The following ST6GAL1 variants were observed in gnomAD, a reference collection of about 807,000 sequenced individuals.
The protein encoded by ST6GAL1 is beta-galactoside alpha-2,6-sialyltransferase 1.
ST6GAL1 carries 20 observed loss-of-function variants against 38.0 expected under a neutral mutation model. The observed-to-expected ratio is 0.53, with a 90% CI of 0.37 to 0.77. ST6GAL1 has a LOEUF of 0.77. Among genes scored for constraint, ST6GAL1 ranks in the 30% least tolerant of loss-of-function variants. The pLI, the probability that ST6GAL1 is intolerant of heterozygous loss-of-function variation, is 0.00. For missense variants in ST6GAL1, 432 were observed against 496.4 expected (o/e 0.87, Z 1.23); for synonymous variants, 196 against 188.2 (o/e 1.04, Z -0.34).
intron 2 of ST6GAL1, among the ~76,000 whole-genome samples, chr3:187,013,739 C>A (rs1425444886): frequency 1.3e-5 from 2 of 152,132 alleles, no homozygotes; most frequent in Admixed American, 6.5e-5. Context: ...TGTGCGCCAC[C>A]ACGCCTGACT....
chr3:186,995,665 G>A (rs1716379462), intron 2 of ST6GAL1, among the ~76,000 whole-genome samples: 3 of 151,752 alleles, frequency 2.0e-5, no homozygotes, highest in Non-Finnish European at 2.9e-5. Flanking sequence ...CCAACATGGC[G>A]AGACCCCATC....
chr3:187,025,775 A>T (rs572767503), intron 2 of ST6GAL1, among the ~76,000 whole-genome samples: 50 of 152,144 alleles, frequency 3.3e-4, no homozygotes, highest in African/African-American at 1.2e-3. Context: ...ATCAGTTCCG[A>T]GTGGTTGGCT....
chr3:186,948,541 G>GTGTGTGTGTGTGTGTGTGTGTGTGTGTC (rs1714461756), intron 1 of ST6GAL1: 1 of 35,990 alleles, frequency 2.8e-5, no homozygotes, highest in Non-Finnish European at 6.7e-5. Context: ...GTGTGTGTGT[G>GTGTGTGTGTGTGTGTGTGTGTGTGTGTC]TGTGTGTGTG....
intron 2 of ST6GAL1, among the ~76,000 whole-genome samples, chr3:186,968,750 C>G (rs1466168756): frequency 6.6e-6 from 1 of 152,148 alleles, no homozygotes; most frequent in African/African-American, 2.4e-5. Context: ...TGTTGACACA[C>G]ATTTAGGTTG....
intron 2 of ST6GAL1, among the ~76,000 whole-genome samples, chr3:186,973,297 A>T (rs922363381): frequency 5.3e-5 from 8 of 152,094 alleles, no homozygotes; most frequent in African/African-American, 1.4e-4. Context: ...TGGCCTTCCA[A>T]ACTGCTGGGA....
intron 2 of ST6GAL1, among the ~76,000 whole-genome samples, chr3:187,032,380 T>C (rs770527268): frequency 1.3e-5 from 2 of 152,158 alleles, no homozygotes; most frequent in Non-Finnish European, 2.9e-5. Flanking sequence ...CATCCAAAAG[T>C]CTGGTGACTG....
chr3:187,028,760 T>G (rs1717634158), intron 2 of ST6GAL1, among the ~76,000 whole-genome samples: 1 of 152,268 alleles, frequency 6.6e-6, no homozygotes, highest in Non-Finnish European at 1.5e-5. Flanking sequence ...TACTTGTTGA[T>G]GAAACCAGTT....
At chr3:186,998,642 G>C (rs1307720847) in intron 2 of ST6GAL1, among the ~76,000 whole-genome samples, 1 of 152,098 alleles carries the variant, frequency 6.6e-6, no homozygotes, top group Non-Finnish European at 1.5e-5. Context: ...AAATGGAACT[G>C]TGCTGTTTAA....
intron 2 of ST6GAL1, among the ~76,000 whole-genome samples, chr3:187,020,621 G>C (rs972188208): frequency 1.3e-5 from 2 of 152,238 alleles, no homozygotes; most frequent in African/African-American, 4.8e-5. Flanking sequence ...GTATTTTGCT[G>C]TTCCCTCTAC....
Position 186,989,933 on chromosome 3 carries a change from C to G in ST6GAL1, c.-183+26007C>G, listed in dbSNP as rs572216590. On this transcript the variant is annotated intron_variant, in intron 2 of 7. Coordinates refer to ENST00000169298, the MANE Select transcript of ST6GAL1 (RefSeq NM_173216.2). ...TCACAGGAACCCTTCCTTATCCACC[C>G]TTATCTGTAGGGGCAGTCTTTCCTC... Among the ~76,000 whole-genome samples the G allele has an allele frequency of 1.4e-4, 21 of 152,310 alleles. No homozygotes were observed. The South Asian group carries it at 4.4e-3, about 32-fold the overall frequency.
At chr3:186,972,251 C>CT (rs879574606) in intron 2 of ST6GAL1, among the ~76,000 whole-genome samples, 6,559 of 145,148 alleles carry the variant, frequency 0.045, 396 homozygotes, top group African/African-American at 0.14. Context: ...TTCTTACTTT[C>CT]TTTTTTTTTT....
At chr3:187,037,796 G>T (rs1363421421) in intron 2 of ST6GAL1, among the ~76,000 whole-genome samples, 1 of 152,060 alleles carries the variant, frequency 6.6e-6, no homozygotes, top group East Asian at 1.9e-4. Context: ...CAAAGTCAAA[G>T]AATAATGGAT....
chr3:187,044,460 A>C (rs951896579), intron 4 of ST6GAL1, among the ~76,000 whole-genome samples: 14 of 152,222 alleles, frequency 9.2e-5, no homozygotes, highest in African/African-American at 3.4e-4. Flanking sequence ...GTGAGATCAC[A>C]GTTTCTACCT....
chr3:187,006,499 T>G (rs1716792245), intron 2 of ST6GAL1: 1 of 152,198 alleles, frequency 6.6e-6, no homozygotes, highest in Admixed American at 6.5e-5. Flanking sequence ...ATCTGTAGAG[T>G]TACGGCAACC....
chr3:186,977,700 A>G (rs1715566782), intron 2 of ST6GAL1, among the ~76,000 whole-genome samples: 1 of 152,200 alleles, frequency 6.6e-6, no homozygotes, highest in Admixed American at 6.5e-5. Flanking sequence ...CCGTGCCTCC[A>G]GGGGCCTGCT....
chr3:186,934,513 G>T (rs566909755), intron 1 of ST6GAL1, among the ~76,000 whole-genome samples: 1 of 150,064 alleles, frequency 6.7e-6, no homozygotes, highest in Non-Finnish European at 1.5e-5. Flanking sequence ...AGTGAGCCGC[G>T]ATCTCACCAC....
At chr3:186,990,650 CTTTTTT>C (rs111805405) in intron 2 of ST6GAL1, among the ~76,000 whole-genome samples, 1 of 129,570 alleles carries the variant, frequency 7.7e-6, no homozygotes, top group Non-Finnish European at 1.7e-5. Context: ...ACAGGATGTT[CTTTTTT>C]TTTTTTTTTT....
intron 2 of ST6GAL1, among the ~76,000 whole-genome samples, chr3:186,973,624 C>T (rs963647277): frequency 3.3e-5 from 5 of 152,172 alleles, no homozygotes; most frequent in Non-Finnish European, 7.3e-5. Context: ...CACCTGTAGA[C>T]AGAGCAATAA....
intron 1 of ST6GAL1, among the ~76,000 whole-genome samples, chr3:186,940,374 GACT>G: frequency 6.6e-6 from 1 of 152,060 alleles, no homozygotes; most frequent in Non-Finnish European, 1.5e-5. Flanking sequence ...TCTTTGCAAT[GACT>G]ACTGTTTGCA....
Sources: allele counts gnomAD v4.1 joint callset (sites outside exome capture counted in the v4.1 genomes callset), GRCh38; gene constraint gnomAD v4.1.1; transcripts MANE v1.5; gene names NCBI Gene and HGNC (gene_info 2026-07-23, HGNC 2026-07-21).